Variants in FBXW10B observed in about 807,000 individuals in gnomAD.
FBXW10B encodes the protein F-box and WD repeat domain containing protein 10B.
the FBXW10B span, among the ~76,000 whole-genome samples, chr17:15,601,809 G>A: frequency 6.6e-5 from 10 of 152,094 alleles, no homozygotes; most frequent in African/African-American, 2.4e-4. Context: ...TACTATAGCT[G>A]TTACATAAAA....
chr17:15,573,494 G>C, the FBXW10B span: 1 of 152,178 alleles, frequency 6.6e-6, no homozygotes, highest in African/African-American at 2.4e-5. Context: ...TTATTTTCCA[G>C]AATTGTACAT....
At chr17:15,579,035 A>G in the FBXW10B span, among the ~76,000 whole-genome samples, 42 of 151,850 alleles carry the variant, frequency 2.8e-4, no homozygotes, top group East Asian at 7.7e-4. Context: ...CAGTCTCTGC[A>G]CCGAACATCA....
chr17:15,567,236 C>A, the FBXW10B span, among the ~76,000 whole-genome samples: 8 of 149,872 alleles, frequency 5.3e-5, no homozygotes, highest in Non-Finnish European at 1.2e-4. Flanking sequence ...CACGCCACTG[C>A]ACTCCAGCCT....
At chr17:15,602,922 C>T in the FBXW10B span, among the ~76,000 whole-genome samples, 6 of 107,092 alleles carry the variant, frequency 5.6e-5, no homozygotes, top group East Asian at 2.8e-4. Flanking sequence ...CCACCGCGCC[C>T]GGCGAGACCG....
chr17:15,567,100 C>A, the FBXW10B span, among the ~76,000 whole-genome samples: 2 of 149,842 alleles, frequency 1.3e-5, no homozygotes, highest in Non-Finnish European at 3.0e-5. Context: ...TGAAACCCCG[C>A]CTCTACTAAA....
chr17:15,604,010 G>A, the FBXW10B span, among the ~76,000 whole-genome samples: 2 of 145,518 alleles, frequency 1.4e-5, no homozygotes, highest in African/African-American at 5.1e-5. Context: ...AACCTGGGAG[G>A]CGGAGCTTGC....
the FBXW10B span, among the ~76,000 whole-genome samples, chr17:15,575,451 TTACTC>T: frequency 1.3e-5 from 2 of 149,730 alleles, no homozygotes; most frequent in Non-Finnish European, 2.9e-5. Flanking sequence ...CTCCATCCAG[TTACTC>T]TTCTATTTCT....
the FBXW10B span, chr17:15,598,419 G>A: frequency 1.3e-6 from 2 of 1,548,596 alleles, no homozygotes; most frequent in Non-Finnish European, 1.8e-6. Flanking sequence ...ATGGATGGAT[G>A]GATGATAAAG....
the FBXW10B span, chr17:15,574,250 G>A: frequency 3.2e-6 from 2 of 625,648 alleles, no homozygotes; most frequent in Non-Finnish European, 5.7e-6. Context: ...ATCACTTATA[G>A]TTTAAAAAAA....
the FBXW10B span, among the ~76,000 whole-genome samples, chr17:15,613,380 T>C: frequency 7.6e-6 from 1 of 131,786 alleles, no homozygotes; most frequent in East Asian, 2.2e-4. Context: ...TCTGTCTCTC[T>C]GCTCCTGAGC....
At chr17:15,614,474 G>A in the FBXW10B span, among the ~76,000 whole-genome samples, 3 of 152,146 alleles carry the variant, frequency 2.0e-5, no homozygotes, top group Admixed American at 6.5e-5. Context: ...GATTACAGGC[G>A]TGAGGCACTG....
chr17:15,580,759 T>G, the FBXW10B span, among the ~76,000 whole-genome samples: 3 of 151,052 alleles, frequency 2.0e-5, no homozygotes, highest in South Asian at 6.3e-4. Context: ...CTTTCTAGAC[T>G]AAACTCTTGC....
chr17:15,571,200 T>C, the FBXW10B span, among the ~76,000 whole-genome samples: 1 of 151,760 alleles, frequency 6.6e-6, no homozygotes, highest in Non-Finnish European at 1.5e-5. Flanking sequence ...TTTTAAAAAA[T>C]TAGGTATGGC....
the FBXW10B span, among the ~76,000 whole-genome samples, chr17:15,616,206 C>T: frequency 5.9e-5 from 9 of 151,876 alleles, no homozygotes; most frequent in African/African-American, 7.3e-5. Context: ...CTGAGTTTTG[C>T]TCTTATTGCC....
At chr17:15,575,311 G>T in the FBXW10B span, among the ~76,000 whole-genome samples, 1 of 140,576 alleles carries the variant, frequency 7.1e-6, no homozygotes, top group Non-Finnish European at 1.5e-5. Flanking sequence ...TGGCCTGAAT[G>T]GAGGTTGTGG....
the FBXW10B span, among the ~76,000 whole-genome samples, chr17:15,583,861 GT>G: frequency 6.6e-6 from 1 of 151,298 alleles, no homozygotes; most frequent in Non-Finnish European, 1.5e-5. Context: ...TATTTTAAGG[GT>G]TTTTTTTAAG....
the FBXW10B span, among the ~76,000 whole-genome samples, chr17:15,599,381 T>C: frequency 7.5e-6 from 1 of 132,714 alleles, no homozygotes; most frequent in Non-Finnish European, 1.6e-5. Context: ...ACATCCTACA[T>C]TGCACAGGGC....
At chr17:15,592,295 G>GTTTTTTT in the FBXW10B span, among the ~76,000 whole-genome samples, 1 of 107,698 alleles carries the variant, frequency 9.3e-6, no homozygotes, top group Non-Finnish European at 1.9e-5. Context: ...AATGGCCAGA[G>GTTTTTTT]TTTTTTTTTT....
chr17:15,597,925 T>C, the FBXW10B span, among the ~76,000 whole-genome samples: 4 of 152,366 alleles, frequency 2.6e-5, no homozygotes, highest in Non-Finnish European at 5.9e-5. Context: ...GGTTGCCTGC[T>C]CAAGTCTTGC....
Sources: allele counts gnomAD v4.1 joint callset (sites outside exome capture counted in the v4.1 genomes callset), GRCh38; gene constraint gnomAD v4.1.1; transcripts MANE v1.5; gene names NCBI Gene and HGNC (gene_info 2026-07-23, HGNC 2026-07-21).